ATP6V1B1: variants seen among roughly 807,000 people sequenced by gnomAD.
ATP6V1B1 encodes ATPase H+ transporting V1 subunit B1.
In ATP6V1B1, 41 loss-of-function variants were observed where a neutral mutation model predicts 62.1. That is an observed-to-expected ratio of 0.66 (90% CI 0.51 to 0.86). The LOEUF (loss-of-function observed/expected upper bound fraction) is 0.86. Ranked by LOEUF, ATP6V1B1 falls within the 40% of genes least tolerant of loss-of-function variation. The probability of loss-of-function intolerance (pLI) is 0.00; values close to 1 mark genes in which losing one functional copy is unlikely to be tolerated. For missense variants in ATP6V1B1, 651 were observed against 697.5 expected (o/e 0.93, Z 0.75); for synonymous variants, 253 against 273.4 (o/e 0.93, Z 0.74).
chr2:70,957,039 A>T lies in ATP6V1B1; in HGVS notation c.175-1007A>T, dbSNP rs561832523. On this transcript the variant is annotated intron_variant, in intron 2 of 13. Coordinates refer to ENST00000234396, the MANE Select transcript of ATP6V1B1 (RefSeq NM_001692.4). The stretch of plus-strand genomic sequence containing the variant: ...CGTCTTTGTAGAAATGTTTTTTCAA[A>T]TCCTTTGATCAAATCCTTTTGATTA... 5.4e-5 allele frequency among the ~76,000 whole-genome samples: 8 copies of T among 148,928 alleles called. No homozygotes were observed. The South Asian group carries it at 1.7e-3, about 32-fold the overall frequency.
In ATP6V1B1 at chr2:70,958,366, A is replaced by T; in HGVS notation, c.307A>T (p.Lys103Ter). 6.2e-7 allele frequency: 1 copy of T among 1,614,114 alleles called. No individual in the cohort carries two copies. The highest frequency in any genetic ancestry group is 1.1e-5 in the South Asian group (1 of 91,078). ...AGGGACATCAGGGATCGATGCCAGG[A>T]AGACCACTTGCGAATTTACAGGGGA... is the stretch of plus-strand genomic sequence containing the variant. The part of the protein sequence containing the change: ...FEGTSGIDAR[K>*]TTCEFTGDIL... Residue 103 changes from lysine (K) to a stop codon, truncating the protein, a stop_gained, in exon 4 of 14, where the codon AAG becomes TAG. Coordinates refer to ENST00000234396, the MANE Select transcript of ATP6V1B1 (RefSeq NM_001692.4). LOFTEE classifies it high-confidence loss of function.
intron 2 of ATP6V1B1, among the ~76,000 whole-genome samples, chr2:70,955,261 G>T (rs1205740334): frequency 6.6e-6 from 1 of 152,132 alleles, no homozygotes; most frequent in African/African-American, 2.4e-5. Flanking sequence ...GCATGATCAT[G>T]GCTCATTGCA....
At chr2:70,946,104 G>C (rs1336447996) in intron 2 of ATP6V1B1, among the ~76,000 whole-genome samples, 1 of 152,092 alleles carries the variant, frequency 6.6e-6, no homozygotes, top group Non-Finnish European at 1.5e-5. Context: ...ATAGGCTATA[G>C]TAGGTGCTCA....
rs782317134 is a variant in ATP6V1B1 at position 70,959,137 on chromosome 2, TA to T, written c.445+44del. 5.6e-6 allele frequency: 9 copies of T among 1,594,968 alleles called. No individual in the cohort carries two copies. The Admixed American group carries it at 1.5e-4, about 27-fold the overall frequency. On this transcript the variant is annotated intron_variant, in intron 5 of 13. Coordinates refer to ENST00000234396, the MANE Select transcript of ATP6V1B1 (RefSeq NM_001692.4). The surrounding 1 kb of genome is among the most constrained non-coding windows in gnomAD (Gnocchi z 4.2). ...TCTGGATGGCTTCGGGACCCAGCCC[TA>T]ACACCTTCCCCACTCTTGGAAGTTC...
At chr2:70,943,289 G>T in intron 1 of ATP6V1B1, 3 of 450,954 alleles carry the variant, frequency 6.7e-6, no homozygotes, top group Non-Finnish European at 1.2e-5. Context: ...ACAGCCGGGG[G>T]CCAGGAGCTT....
In ATP6V1B1 at chr2:70,937,654, G is replaced by A. The variant is rs556812721; in HGVS notation, c.118+1582G>A. On this transcript the variant is annotated intron_variant, in intron 1 of 13. Transcript: ENST00000234396. ...TGATGAGCCCCACTCCCTGCAGGCC[G>A]TCCCTCCTCCCTGCAGGCACCCGGG... 2.6e-4 allele frequency among the ~76,000 whole-genome samples: 40 copies of A among 151,996 alleles called. No individual in the cohort carries two copies. In the South Asian group the frequency reaches 6.9e-3, roughly 26 times the overall value.
chr2:70,941,892 G>A, intron 1 of ATP6V1B1: 1 of 987,462 alleles, frequency 1.0e-6, no homozygotes, highest in Non-Finnish European at 1.2e-6. Context: ...CCCAGGCTCT[G>A]AGTGTAGCCA....
chr2:70,938,510 G>A, intron 1 of ATP6V1B1: 1 of 981,236 alleles, frequency 1.0e-6, no homozygotes. Context: ...GTGAGTCCAG[G>A]TGACTTAGGC....
chr2:70,950,896 C>G (rs1176299329), intron 2 of ATP6V1B1, among the ~76,000 whole-genome samples: 1 of 145,908 alleles, frequency 6.9e-6, no homozygotes, highest in Non-Finnish European at 1.5e-5. Context: ...ATCATTTGCT[C>G]TCCATGTGTG....
chr2:70,953,123 C>T (rs868945680), intron 2 of ATP6V1B1, among the ~76,000 whole-genome samples: 1 of 152,128 alleles, frequency 6.6e-6, no homozygotes, highest in Non-Finnish European at 1.5e-5. Flanking sequence ...CCCACTACCA[C>T]ACCTGGCTAA....
chr2:70,964,302 A>G, intron 11 of ATP6V1B1, 136 bp from the exon 12 acceptor site: 11 of 847,400 alleles, frequency 1.3e-5, no homozygotes, highest in South Asian at 1.0e-4. Flanking sequence ...TTTGTGGGAG[A>G]TAAGAGAGGG....
chr2:70,941,063 C>G, intron 1 of ATP6V1B1: 3 of 459,578 alleles, frequency 6.5e-6, no homozygotes, highest in Non-Finnish European at 8.6e-6. Context: ...ACCACAGGCA[C>G]GTTCCACCAT....
intron 2 of ATP6V1B1, chr2:70,944,213 T>C: frequency 7.8e-7 from 1 of 1,289,408 alleles, no homozygotes; most frequent in Non-Finnish European, 1.0e-6. Flanking sequence ...AATATCTCAG[T>C]CTCAGCAACA....
Position 70,964,959 on chromosome 2 carries a change from C to T in ATP6V1B1, c.1380C>T (p.Gly460=), listed in dbSNP as rs140722500. The change falls in exon 14 of 14, where the codon GGC becomes GGT. Residue 460 remains glycine (G), a splice_region_variant and synonymous_variant. Coordinates refer to ENST00000234396, the MANE Select transcript of ATP6V1B1 (RefSeq NM_001692.4). Reference sequence around the variant, plus strand: ...CACTCCCTCCCGCTCTGTCCCTAGGCCCCTACGAGAACCGCTCGGTGTTCG... The same window carrying T: ...CACTCCCTCCCGCTCTGTCCCTAGGTCCCTACGAGAACCGCTCGGTGTTCG... ...QKFEKNFINQ[G]PYENRSVFES... 7.4e-6 allele frequency: 12 copies of T among 1,613,908 alleles called. No homozygotes were observed. The highest frequency in any genetic ancestry group is 1.7e-5 in the Admixed American group (1 of 60,012).
At chr2:70,960,547 C>T (rs1680561012) in intron 6 of ATP6V1B1, among the ~76,000 whole-genome samples, 1 of 152,164 alleles carries the variant, frequency 6.6e-6, no homozygotes, top group African/African-American at 2.4e-5. Context: ...GTGACCCTTC[C>T]TTCCCAGCTC....
chr2:70,965,316 G>A lies in ATP6V1B1; in HGVS notation c.*195G>A. The A allele has an allele frequency of 2.7e-6, 2 of 736,356 alleles. No homozygotes were observed. The highest frequency in any genetic ancestry group is 3.9e-4 in the Middle Eastern group (1 of 2,562). The allele number at this position is 736,356 out of a possible 1,614,324, so 45.6% of individuals were successfully genotyped here. ...TTCCCGCGCTCCATGCCTCCCCCTC[G>A]ACTCCCGGTGCTGCGGAAGAACTGA... On this transcript the variant is annotated 3_prime_UTR_variant, in exon 14 of 14. Transcript: ENST00000234396.
chr2:70,948,755 G>C (rs1257198734), intron 2 of ATP6V1B1: 1 of 152,272 alleles, frequency 6.6e-6, no homozygotes, highest in Non-Finnish European at 1.5e-5. Context: ...GGGAACCACA[G>C]GTCACCTTCC....
intron 1 of ATP6V1B1, among the ~76,000 whole-genome samples, chr2:70,943,157 C>CACTG (rs1263007625): frequency 6.6e-6 from 1 of 151,036 alleles, no homozygotes; most frequent in Non-Finnish European, 1.5e-5. Context: ...TGGTTTTTCT[C>CACTG]ACTGACGTCT....
chr2:70,941,683 C>G, intron 1 of ATP6V1B1: 2 of 963,228 alleles, frequency 2.1e-6, no homozygotes, highest in Non-Finnish European at 2.5e-6. Context: ...TAGAAGGCAT[C>G]CATGCAGTAG....
Sources: gnomAD v4.1 joint callset for allele counts (sites outside exome capture counted in the v4.1 genomes callset) on GRCh38, gnomAD v4.1.1 for gene constraint, Gnocchi (gnomAD v3.1) non-coding constraint, MANE v1.5 for transcripts, NCBI Gene and HGNC (gene_info 2026-07-23, HGNC 2026-07-21) for gene names.